Variants in NDRG2 observed in about 807,000 individuals in gnomAD.
NDRG2 encodes NDRG family member 2, also known as protein NDRG2.
Under a neutral mutation model 58.2 loss-of-function variants are expected in NDRG2, and 34 were observed. That is an observed-to-expected ratio of 0.58 (90% CI 0.44 to 0.78). The LOEUF (loss-of-function observed/expected upper bound fraction) is 0.78, where lower values mean the gene tolerates loss of function less well. NDRG2 is among the 30% of genes least tolerant of loss of function. The probability of loss-of-function intolerance (pLI) is 0.00; values close to 1 mark genes in which losing one functional copy is unlikely to be tolerated. For synonymous variants in NDRG2, 187 were observed against 175.9 expected (o/e 1.06, Z -0.50); for missense variants, 434 against 471.2 (o/e 0.92, Z 0.73).
chr14:21,039,200 A>C (rs1884781401), intron 1 of NDRG2, among the ~76,000 whole-genome samples: 1 of 152,122 alleles, frequency 6.6e-6, no homozygotes, highest in Non-Finnish European at 1.5e-5. Context: ...AGGCGAGAGG[A>C]AGCAGCAGCT....
chr14:21,022,001 C>A (rs771728676), intron 5 of NDRG2, 61 bp downstream of exon 5: 23 of 1,612,748 alleles, frequency 1.4e-5, no homozygotes, highest in African/African-American at 4.0e-5. Flanking sequence ...CCCAGTCGAA[C>A]CTTTCCCGCA....
At chr14:21,043,095 T>C in intron 1 of NDRG2, 1 of 1,614,150 alleles carries the variant, frequency 6.2e-7, no homozygotes, top group Non-Finnish European at 8.5e-7. Flanking sequence ...GGGCATGACC[T>C]CATCACAGTG....
chr14:21,067,186 G>T (rs559983209), intron 1 of NDRG2, among the ~76,000 whole-genome samples: 1 of 152,050 alleles, frequency 6.6e-6, no homozygotes, highest in African/African-American at 2.4e-5. Flanking sequence ...ACCTTCCCCC[G>T]TATTAGGATA....
chr14:21,053,074 T>A (rs1885534389), intron 1 of NDRG2, among the ~76,000 whole-genome samples: 2 of 152,210 alleles, frequency 1.3e-5, no homozygotes, highest in Non-Finnish European at 1.5e-5. Flanking sequence ...TACAAGGGGA[T>A]AATCAGGTTT....
At chr14:21,036,934 C>T (rs903592497) in intron 1 of NDRG2, among the ~76,000 whole-genome samples, 6 of 152,238 alleles carry the variant, frequency 3.9e-5, no homozygotes, top group Non-Finnish European at 8.8e-5. Flanking sequence ...AGGGTGTCGC[C>T]TGAGCCTGGC....
chr14:21,020,465 C>T (rs1293862418), intron 8 of NDRG2, 31 bp downstream of exon 8: 5 of 1,589,514 alleles, frequency 3.1e-6, no homozygotes, highest in African/African-American at 1.3e-5. Flanking sequence ...GATCCCCAAC[C>T]GTAGGTCTCA....
rs371042583 is a variant in NDRG2, at chr14:21,033,783, C to T, written c.25-10462G>A. ...GAGTGTTGGAAATGGAGACAGCTGG[C>T]CTGTGGTGGTAGAGGTTGGGGAGTG... On this transcript the variant is annotated intron_variant, in intron 1 of 14. Coordinates refer to the NDRG2 transcript ENST00000403829. 5 of 1,305,212 alleles carry T rather than the reference C, an allele frequency of 3.8e-6. No individual in the cohort carries two copies. The African/African-American group carries it at 7.3e-5, about 19-fold the overall frequency. 80.9% of individuals were successfully genotyped at this position (1,305,212 alleles called of 1,614,324 possible).
chr14:21,067,182 C>T (rs549500645), intron 1 of NDRG2, among the ~76,000 whole-genome samples: 39 of 152,278 alleles, frequency 2.6e-4, no homozygotes, highest in South Asian at 4.2e-4. Context: ...TTCCACCTTC[C>T]CCCGTATTAG....
chr14:21,026,307 T>A (rs1312139067), upstream of NDRG2, among the ~76,000 whole-genome samples: 4 of 122,952 alleles, frequency 3.3e-5, no homozygotes, highest in Non-Finnish European at 6.8e-5. Flanking sequence ...CCTGCCCCCC[T>A]TGTAGCTCCC....
intron 1 of NDRG2, among the ~76,000 whole-genome samples, chr14:21,040,621 C>G (rs1001789922): frequency 1.3e-5 from 2 of 152,182 alleles, no homozygotes; most frequent in African/African-American, 4.8e-5. Flanking sequence ...TCCCAATGAC[C>G]TGGTCTCTGG....
At chr14:21,020,091 C>G (rs1351732981) in intron 8 of NDRG2, 115 bp from the exon 9 acceptor site, 5 of 837,504 alleles carry the variant, frequency 6.0e-6, no homozygotes, top group Non-Finnish European at 2.0e-6. Flanking sequence ...GTCAGGAGTT[C>G]AAGACCACCC....
rs200195659 is a variant in NDRG2 at position 21,034,144 on chromosome 14, G to A, written c.25-10823C>T. 19 of 1,614,142 alleles carry A rather than the reference G, an allele frequency of 1.2e-5. No homozygotes were observed. The highest frequency in any genetic ancestry group is 8.0e-5 in the African/African-American group (6 of 75,022). On this transcript the variant is annotated intron_variant, in intron 1 of 14. Transcript: ENST00000403829. Reference sequence around the variant, plus strand: ...GACATCAGACCATTACAATAGCCCCGGAAACCCTTTGGGTAGTTAACCCTG... The same window carrying A: ...GACATCAGACCATTACAATAGCCCCAGAAACCCTTTGGGTAGTTAACCCTG...
At chr14:21,022,540 G>C (rs764707607) in intron 3 of NDRG2, 43 bp from the exon 4 acceptor site, 12 of 1,482,568 alleles carry the variant, frequency 8.1e-6, no homozygotes, top group African/African-American at 2.8e-5. Context: ...CAGAGGAGAC[G>C]AGGCCAGAAA....
rs574491201 is a variant in NDRG2 at position 21,064,665 on chromosome 14, G to A, written c.24+6163C>T. Among the ~76,000 whole-genome samples the A allele has an allele frequency of 7.2e-5, 11 of 152,260 alleles. No individual in the cohort carries two copies. The South Asian group carries it at 1.0e-3, about 14-fold the overall frequency. On this transcript the variant is annotated intron_variant, in intron 1 of 14. Coordinates refer to the NDRG2 transcript ENST00000403829. ...TATACTTATGCGTGGAAATATATAC[G>A]GACAATGCTACATGAAGAAAGCAGA... is the stretch of plus-strand genomic sequence containing the variant.
intron 1 of NDRG2, among the ~76,000 whole-genome samples, chr14:21,041,517 G>A (rs1884893245): frequency 2.6e-5 from 4 of 152,080 alleles, no homozygotes. Flanking sequence ...CGGTTCTCCT[G>A]AGTGTCATAT....
rs1186324121 is a variant in NDRG2 at position 21,023,092 on chromosome 14, C to T, written c.75+149G>A. 6 of 904,946 alleles carry T rather than the reference C, an allele frequency of 6.6e-6. No homozygotes were observed. In the East Asian group the frequency reaches 1.6e-4, roughly 24 times the overall value. 56.1% of individuals were successfully genotyped at this position (904,946 alleles called of 1,614,324 possible). A position where few individuals can be genotyped will look rare whatever the true frequency, so the allele number is the denominator to read the frequency against. ...AGTGACGAGACAAGGGCCTGACTCC[C>T]AATTATAGTGTATGGGGAGAGAGAC... is the stretch of plus-strand genomic sequence containing the variant. On this transcript the variant is annotated intron_variant, in intron 2 of 15. Transcript: ENST00000556147.
intron 1 of NDRG2, among the ~76,000 whole-genome samples, chr14:21,041,878 G>A (rs990825342): frequency 4.6e-5 from 7 of 152,098 alleles, no homozygotes; most frequent in African/African-American, 1.4e-4. Flanking sequence ...CACTTCCCTC[G>A]TGTCTGTTCC....
rs372523302 is a variant in NDRG2 at position 21,067,061 on chromosome 14, C to G, written c.24+3767G>C. Among the ~76,000 whole-genome samples, 11 of 152,302 alleles carry G rather than the reference C, an allele frequency of 7.2e-5. No homozygotes were observed. The East Asian group carries it at 1.4e-3, about 19-fold the overall frequency. On this transcript the variant is annotated intron_variant, in intron 1 of 14. Coordinates refer to the NDRG2 transcript ENST00000403829. The stretch of plus-strand genomic sequence containing the variant: ...AGGCACAGCCCTAGTCACTGCTACT[C>G]TCCCAGGGAGAAATAGTGAGCAGCC...
At position 21,024,605 on chromosome 14, in the gene NDRG2, G is replaced by A. The variant is rs1409050516; in HGVS notation, c.-582C>T. The A allele has an allele frequency of 3.0e-6, 3 of 985,312 alleles. No homozygotes were observed. Among genetic ancestry groups the A allele is most frequent in the Middle Eastern group, 5.2e-4 (1 of 1,936 alleles). 61.0% of individuals were successfully genotyped at this position (985,312 alleles called of 1,614,324 possible). The stretch of plus-strand genomic sequence containing the variant: ...CGCTTCTCTCCTCTACTCAGTCTCC[G>A]TGTAGGTCCCACGAGTGGAGAAAGG... On this transcript the variant is annotated 5_prime_UTR_variant, in exon 1 of 16. It adds an upstream start codon to the 5' untranslated region. Coordinates refer to ENST00000556147, the MANE Select transcript of NDRG2 (RefSeq NM_001320329.2).
Sources: allele counts gnomAD v4.1 joint callset (sites outside exome capture counted in the v4.1 genomes callset), GRCh38; gene constraint gnomAD v4.1.1; transcripts MANE v1.5; gene names NCBI Gene and HGNC (gene_info 2026-07-23, HGNC 2026-07-21).